Variants in ACSL5 observed in about 807,000 individuals in gnomAD.
ACSL5 encodes the protein acyl-CoA synthetase long chain family member 5.
ACSL5 carries 50 observed loss-of-function variants against 84.9 expected under a neutral mutation model. That is an observed-to-expected ratio of 0.59 (90% CI 0.47 to 0.75). The LOEUF (loss-of-function observed/expected upper bound fraction) is 0.75. ACSL5 is among the 30% of genes least tolerant of loss of function. The probability of loss-of-function intolerance (pLI) is 0.00; values close to 1 mark genes in which losing one functional copy is unlikely to be tolerated. For missense variants in ACSL5, 775 were observed against 830.4 expected (o/e 0.93, Z 0.82); for synonymous variants, 280 against 300.7 (o/e 0.93, Z 0.71).
chr10:112,426,698 T>A, intron 19 of ACSL5, 90 bp from the exon 20 acceptor site: 1 of 1,128,216 alleles, frequency 8.9e-7, no homozygotes, highest in South Asian at 1.3e-5. Context: ...TCATACTGCA[T>A]GGCTTTGACA....
rs371615410 is a variant in ACSL5 at position 112,408,451 on chromosome 10, G to A, written c.462G>A (p.Thr154=). ...EWIISELACY[T]YSMVAVPLYD... is the part of the protein sequence containing the mutation. The stretch of plus-strand genomic sequence containing the variant: ...TCATCTCCGAATTGGCTTGTTACAC[G>A]TACTCTATGGTAGCTGTACCTCTGT... The change falls in exon 6 of 21, where the codon ACG becomes ACA. Residue 154 remains threonine (T), a synonymous_variant. Transcript: ENST00000354655. 4.5e-5 allele frequency: 73 copies of A among 1,613,362 alleles called. No individual in the cohort carries two copies. Among genetic ancestry groups the A allele is most frequent in the African/African-American group, 2.0e-4 (15 of 74,980 alleles).
At chr10:112,390,010 C>T (rs1320053026) in intron 1 of ACSL5, among the ~76,000 whole-genome samples, 3 of 152,122 alleles carry the variant, frequency 2.0e-5, no homozygotes, top group Non-Finnish European at 2.9e-5. Flanking sequence ...AGGAAGATCA[C>T]TTGAGCCCAG....
intron 1 of ACSL5, among the ~76,000 whole-genome samples, chr10:112,390,782 T>G (rs1849545693): frequency 6.6e-6 from 1 of 152,132 alleles, no homozygotes; most frequent in South Asian, 2.1e-4. Context: ...CAATGAATCT[T>G]AAAAATTATA....
rs143421135 is a variant in ACSL5 at position 112,428,118 on chromosome 10, A to G, written c.*760A>G. 829 of 271,792 alleles carry G rather than the reference A, an allele frequency of 3.1e-3. 1 individual carries two copies. The highest frequency in any genetic ancestry group is 5.9e-3 in the Admixed American group (111 of 18,830). 16.8% of individuals were successfully genotyped at this position (271,792 alleles called of 1,614,324 possible). A position where few individuals can be genotyped will look rare whatever the true frequency, so the allele number is the denominator to read the frequency against. ...CCCTACAGTTTGCTGCTGAGCTGGA[A>G]GCTGTGGGGGAAGGAGTTGACAGGT... On this transcript the variant is annotated 3_prime_UTR_variant, in exon 21 of 21. Transcript: ENST00000354655.
Position 112,421,157 on chromosome 10 carries a change from T to C in ACSL5, c.1315-436T>C, listed in dbSNP as rs534685537. ...GTTCAAGGTTTTTTGTTTGTTCGTT[T>C]GTTTGTTTGTTTGTTTTTTGAGACG... On this transcript the variant is annotated intron_variant, in intron 14 of 20. Transcript: ENST00000354655. Among the ~76,000 whole-genome samples, 79 of 151,790 alleles carry C rather than the reference T, an allele frequency of 5.2e-4. 1 individual carries two copies. Among genetic ancestry groups the C allele is most frequent in the Non-Finnish European group, 1.0e-3 (69 of 67,908 alleles).
intron 1 of ACSL5, among the ~76,000 whole-genome samples, chr10:112,388,701 A>G (rs1276778099): frequency 6.6e-6 from 1 of 152,360 alleles, no homozygotes; most frequent in South Asian, 2.1e-4. Flanking sequence ...ATAAGGAGCT[A>G]GGACTATTTC....
At chr10:112,396,686 T>TCACA (rs140558643) in intron 2 of ACSL5, among the ~76,000 whole-genome samples, 15 of 149,368 alleles carry the variant, frequency 1.0e-4, no homozygotes, top group South Asian at 4.2e-4. Context: ...TTTTCTCCCT[T>TCACA]CACACACACA....
chr10:112,399,101 AT>A (rs1843816080), intron 3 of ACSL5, 92 bp downstream of exon 3: 1 of 1,041,130 alleles, frequency 9.6e-7, no homozygotes, highest in East Asian at 2.4e-5. Context: ...AACCCCAGCT[AT>A]TTAGATGCAG....
At chr10:112,380,823 C>T (rs1020879878) in intron 1 of ACSL5, among the ~76,000 whole-genome samples, 1 of 152,098 alleles carries the variant, frequency 6.6e-6, no homozygotes, top group Non-Finnish European at 1.5e-5. Context: ...ATCCAGGCTC[C>T]CAGGCTGGAG....
At chr10:112,408,382 G>T (rs781262995) in intron 5 of ACSL5, 40 bp from the exon 6 acceptor site, 1 of 1,275,078 alleles carries the variant, frequency 7.8e-7, no homozygotes, top group African/African-American at 1.5e-5. Flanking sequence ...GTACTCTTCA[G>T]TGTGCCCTCC....
rs144322644 is a variant in ACSL5, at chr10:112,378,227, G to GTTT, written c.-30+3987_-30+3989dup. Among the ~76,000 whole-genome samples the GTTT allele has an allele frequency of 1.1e-3, 60 of 56,810 alleles. 2 individuals are homozygous for GTTT. Among genetic ancestry groups the GTTT allele is most frequent in the African/African-American group, 1.4e-3 (19 of 13,126 alleles). 37.3% of individuals were successfully genotyped at this position (56,810 alleles called of 152,430 possible). On this transcript the variant is annotated intron_variant, in intron 1 of 20. Transcript: ENST00000354655. ...TAATCAAGACAATCTTCTTCTTCTT[G>GTTT]TTTTTTTTTTTTTTTTTTTTTTTTT...
Position 112,400,406 on chromosome 10 carries a change from C to CTTT in ACSL5, c.265+1416_265+1418dup, listed in dbSNP as rs573644087. Among the ~76,000 whole-genome samples the CTTT allele has an allele frequency of 4.2e-3, 413 of 98,814 alleles. 5 individuals carry two copies. Among genetic ancestry groups the CTTT allele is most frequent in the African/African-American group, 4.4e-3 (112 of 25,260 alleles). The allele number at this position is 98,814 out of a possible 152,430, so 64.8% of individuals were successfully genotyped here. On this transcript the variant is annotated intron_variant, in intron 3 of 20. Coordinates refer to ENST00000354655, the MANE Select transcript of ACSL5 (RefSeq NM_203379.2). ...AATTTTTTTTTCCTTTTTTTCTTTT[C>CTTT]TTTTTTTTTTTTTTTTTTTTTGAGA...
intron 1 of ACSL5, chr10:112,376,235 G>A: frequency 2.6e-6 from 4 of 1,566,120 alleles, no homozygotes; most frequent in Non-Finnish European, 3.5e-6. Context: ...ACGTTAGAAA[G>A]CCTGACATGG....
At chr10:112,413,094 C>T (rs1367866473) in intron 11 of ACSL5, 79 bp from the exon 12 acceptor site, 1 of 1,517,142 alleles carries the variant, frequency 6.6e-7, no homozygotes. Context: ...CTCAGCCCAC[C>T]TCCTGAATTC....
Position 112,394,952 on chromosome 10 carries a change from T to C in ACSL5, c.6T>C (p.Leu2=). The change falls in exon 2 of 21, where the codon CTT becomes CTC. Residue 2 remains leucine, a synonymous_variant. Coordinates refer to ENST00000354655, the MANE Select transcript of ACSL5 (RefSeq NM_203379.2). Reference sequence around the variant, plus strand: ...TCCTGCTGCTGTTCACAAAGATGCTTTTTATCTTTAACTTTTTGTTTTCCC... The same window carrying C: ...TCCTGCTGCTGTTCACAAAGATGCTCTTTATCTTTAACTTTTTGTTTTCCC... M[L]FIFNFLFSPL... 1 of 1,613,806 alleles carries C rather than the reference T, an allele frequency of 6.2e-7. No homozygotes were observed. Among genetic ancestry groups the C allele is most frequent in the Non-Finnish European group, 8.5e-7 (1 of 1,180,022 alleles).
chr10:112,398,964 G>A lies in ACSL5; in HGVS notation c.220G>A (p.Ala74Thr). ...CCTAACAAGTTGCTGCTTCTCAGAT[G>A]CCAAGACTATGTATGAGGTTTTCCA... is the stretch of plus-strand genomic sequence containing the variant. Reference protein sequence around the residue: ...NDLTSCCFSDAKTMYEVFQRG... With the variant: ...NDLTSCCFSDTKTMYEVFQRG... The change falls in exon 3 of 21, where the codon GCC becomes ACC. Residue 74 changes from alanine to threonine, a missense_variant. By Grantham distance (58) the Ala-to-Thr change is moderately conservative. Transcript: ENST00000354655. 1 of 1,614,108 alleles carries A rather than the reference G, an allele frequency of 6.2e-7. No homozygotes were observed.
chr10:112,422,508 C>A, intron 17 of ACSL5, 67 bp downstream of exon 17: 1 of 1,447,720 alleles, frequency 6.9e-7, no homozygotes, highest in Non-Finnish European at 9.6e-7. Flanking sequence ...CTGCTTATAG[C>A]AAGAGGTGCA....
At chr10:112,423,463 C>T (rs1844557071) in intron 17 of ACSL5, among the ~76,000 whole-genome samples, 1 of 151,368 alleles carries the variant, frequency 6.6e-6, no homozygotes, top group Middle Eastern at 3.4e-3. Context: ...TCCCAAAGTT[C>T]TGGGATTGCT....
rs200663698 is a variant in ACSL5, at chr10:112,426,317, G to A, written c.1797G>A (p.Lys599=). The A allele has an allele frequency of 1.9e-6, 3 of 1,614,112 alleles. No homozygotes were observed. The highest frequency in any genetic ancestry group is 2.5e-6 in the Non-Finnish European group (3 of 1,180,018). ...ATGTACTTCCCTCATTTGCAGCCAA[G>A]CTTGGGGTGAAGGGCTCCTTTGAGG... The part of the protein sequence containing the change: ...DTDVLPSFAA[K]LGVKGSFEEL... The change falls in exon 19 of 21, where the codon AAG becomes AAA. Residue 599 remains lysine (K), a synonymous_variant. Coordinates refer to ENST00000354655, the MANE Select transcript of ACSL5 (RefSeq NM_203379.2).
Sources: allele counts gnomAD v4.1 joint callset (sites outside exome capture counted in the v4.1 genomes callset), GRCh38; gene constraint gnomAD v4.1.1; transcripts MANE v1.5; gene names NCBI Gene and HGNC (gene_info 2026-07-23, HGNC 2026-07-21).